Variants in MPP4 observed in about 807,000 individuals in gnomAD.
MPP4 encodes MAGUK p55 scaffold protein 4, also known as MAGUK p55 subfamily member 4.
In MPP4, 91 loss-of-function variants were observed where a neutral mutation model predicts 98.3. That is an observed-to-expected ratio of 0.93 (90% CI 0.78 to 1.10). The LOEUF (loss-of-function observed/expected upper bound fraction) is 1.10. MPP4 is among the 50% of genes least tolerant of loss of function. MPP4 has a pLI of 0.00. For synonymous variants in MPP4, 261 were observed against 271.8 expected (o/e 0.96, Z 0.39); for missense variants, 744 against 792.9 (o/e 0.94, Z 0.74).
intron 18 of MPP4, among the ~76,000 whole-genome samples, chr2:201,654,038 G>A (rs138923342): frequency 6.6e-6 from 1 of 151,980 alleles, no homozygotes; most frequent in East Asian, 1.9e-4. Flanking sequence ...GTGCAATGGT[G>A]CAATCTCGGC....
chr2:201,675,304 C>T, intron 10 of MPP4, 33 bp from the exon 11 acceptor site: 1 of 1,580,316 alleles, frequency 6.3e-7, no homozygotes, highest in Non-Finnish European at 8.6e-7. Context: ...CGACAAAAAA[C>T]AAACAAAAAC....
chr2:201,650,227 A>G (rs1034174417), intron 18 of MPP4, 62 bp from the exon 19 acceptor site: 1 of 1,513,392 alleles, frequency 6.6e-7, no homozygotes, highest in African/African-American at 1.4e-5. Flanking sequence ...ACCAATATGC[A>G]TTTGAATAAA....
In MPP4 at chr2:201,654,922, A is replaced by T; in HGVS notation, c.1301-5T>A. On this transcript the variant is annotated splice_region_variant and splice_polypyrimidine_tract_variant and intron_variant, in intron 17 of 21. Transcript: ENST00000409474. ...TTACTCCAACACCAGAGGGTCCTAA[A>T]CACAAAAAGTCACACACAGAAATCA... is the stretch of plus-strand genomic sequence containing the variant. 1 of 1,585,638 alleles carries T rather than the reference A, an allele frequency of 6.3e-7. No homozygotes were observed. Among genetic ancestry groups the T allele is most frequent in the Non-Finnish European group, 8.6e-7 (1 of 1,163,794 alleles).
rs1467856382 is a variant in MPP4 at position 201,657,600 on chromosome 2, TG to T, written c.1129+876del. Among the ~76,000 whole-genome samples the T allele has an allele frequency of 1.0e-2, 1,187 of 118,726 alleles. 200 individuals are homozygous for T. Among genetic ancestry groups the T allele is most frequent in the African/African-American group, 0.025 (674 of 26,902 alleles). The allele number at this position is 118,726 out of a possible 152,430, so 77.9% of individuals were successfully genotyped here. ...AGAACCCTGGCCCTTGTTTTTTTTTTGTTTTTTTGTTTTTTTTTGCTTATTG... is the reference window on the plus strand; with the variant it reads ...AGAACCCTGGCCCTTGTTTTTTTTTTTTTTTTTGTTTTTTTTTGCTTATTG... On this transcript the variant is annotated intron_variant, in intron 16 of 21. Coordinates refer to ENST00000409474, the MANE Select transcript of MPP4 (RefSeq NM_033066.3).
At chr2:201,658,193 C>T (rs1317879319) in intron 16 of MPP4, among the ~76,000 whole-genome samples, 1 of 151,994 alleles carries the variant, frequency 6.6e-6, no homozygotes, top group African/African-American at 2.4e-5. Flanking sequence ...GACTTTGTCT[C>T]TTTAGCATAA....
chr2:201,661,360 C>T (rs962306291), intron 14 of MPP4: 3 of 455,594 alleles, frequency 6.6e-6, no homozygotes, highest in South Asian at 1.6e-5. Context: ...GCTCACTAAG[C>T]AGTCTAAGTA....
At chr2:201,648,537 A>G (rs919724336) in intron 20 of MPP4, among the ~76,000 whole-genome samples, 2 of 152,248 alleles carry the variant, frequency 1.3e-5, no homozygotes, top group Non-Finnish European at 2.9e-5. Context: ...ATGACTAGCA[A>G]TTGAAATCTT....
At chr2:201,657,592 T>TTTTTTTG in intron 16 of MPP4, among the ~76,000 whole-genome samples, 2 of 115,482 alleles carry the variant, frequency 1.7e-5, no homozygotes, top group Non-Finnish European at 1.8e-5. Flanking sequence ...TGGCCCTTGT[T>TTTTTTTG]TTTTTTTTGT....
intron 11 of MPP4, among the ~76,000 whole-genome samples, chr2:201,674,900 C>A (rs1435182250): frequency 6.6e-6 from 1 of 152,092 alleles, no homozygotes; most frequent in African/African-American, 2.4e-5. Context: ...ACCCACCAAC[C>A]AATGGCTCCT....
Position 201,694,039 on chromosome 2 carries a change from A to G in MPP4, c.-85T>C. ...CACAGCTCACTCAGTCCCACTGGCCACCAGCTCTCAGCACACTGGAATATA... is the reference window on the plus strand; with the variant it reads ...CACAGCTCACTCAGTCCCACTGGCCGCCAGCTCTCAGCACACTGGAATATA... On this transcript the variant is annotated 5_prime_UTR_variant, in exon 2 of 22. Transcript: ENST00000409474. 6.2e-7 allele frequency: 1 copy of G among 1,612,228 alleles called. No individual in the cohort carries two copies. The highest frequency in any genetic ancestry group is 8.5e-7 in the Non-Finnish European group (1 of 1,179,188).
At chr2:201,677,690 C>T (rs1182482404) in intron 10 of MPP4, among the ~76,000 whole-genome samples, 1 of 152,196 alleles carries the variant, frequency 6.6e-6, no homozygotes, top group Non-Finnish European at 1.5e-5. Flanking sequence ...ATGCAGATTC[C>T]TGGCTCAGTC....
intron 10 of MPP4, among the ~76,000 whole-genome samples, chr2:201,676,698 G>C (rs182515006): frequency 6.6e-6 from 1 of 152,270 alleles, no homozygotes; most frequent in South Asian, 2.1e-4. Context: ...TCAGGAGTTC[G>C]AGACCAGCTT....
chr2:201,663,460 T>C (rs544644702), intron 14 of MPP4, among the ~76,000 whole-genome samples: 1 of 152,306 alleles, frequency 6.6e-6, no homozygotes, highest in South Asian at 2.1e-4. Flanking sequence ...GGACCAGGTG[T>C]GGTGGCTCAC....
chr2:201,650,547 C>T (rs1409994439), intron 18 of MPP4: 1 of 985,244 alleles, frequency 1.0e-6, no homozygotes, highest in African/African-American at 1.7e-5. Context: ...TTCCCATGAT[C>T]TCATTTCATC....
chr2:201,693,128 T>A (rs1689086477), intron 2 of MPP4, 99 bp from the exon 3 acceptor site: 4 of 1,368,180 alleles, frequency 2.9e-6, no homozygotes, highest in Non-Finnish European at 3.0e-6. Context: ...TCACCAGGAG[T>A]GGAAATGACA....
At chr2:201,677,928 G>A (rs536712563) in intron 10 of MPP4, among the ~76,000 whole-genome samples, 1 of 152,070 alleles carries the variant, frequency 6.6e-6, no homozygotes, top group Non-Finnish European at 1.5e-5. Context: ...ATATGGCAGC[G>A]GATTTAGTCT....
At chr2:201,650,011 G>A in intron 19 of MPP4, 61 bp downstream of exon 19, 1 of 1,421,866 alleles carries the variant, frequency 7.0e-7, no homozygotes, top group Non-Finnish European at 9.5e-7. Flanking sequence ...TAAAAATAGG[G>A]AATCTATTTC....
At chr2:201,692,867 C>A in intron 3 of MPP4, 41 bp downstream of exon 3, 2 of 1,594,808 alleles carry the variant, frequency 1.3e-6, no homozygotes, top group Non-Finnish European at 1.7e-6. Flanking sequence ...TCCCCACAAC[C>A]CCTTCAGCAA....
At chr2:201,682,531 G>C (rs1439409951) in intron 8 of MPP4, among the ~76,000 whole-genome samples, 1 of 152,192 alleles carries the variant, frequency 6.6e-6, no homozygotes, top group East Asian at 1.9e-4. Flanking sequence ...GTTTCCAATG[G>C]AGCAAACCAG....
Sources: allele counts gnomAD v4.1 joint callset (sites outside exome capture counted in the v4.1 genomes callset), GRCh38; gene constraint gnomAD v4.1.1; transcripts MANE v1.5; gene names NCBI Gene and HGNC (gene_info 2026-07-23, HGNC 2026-07-21).